PIGL: variants seen among roughly 807,000 people sequenced by gnomAD.
The protein encoded by PIGL is N-acetylglucosaminyl-phosphatidylinositol de-N-acetylase.
PIGL carries 22 observed loss-of-function variants against 31.1 expected under a neutral mutation model. The observed-to-expected ratio is 0.71, with a 90% CI of 0.51 to 1.01. The LOEUF (loss-of-function observed/expected upper bound fraction) is 1.01, where lower values mean the gene tolerates loss of function less well. Ranked by LOEUF, PIGL falls within the 50% of genes least tolerant of loss-of-function variation. The pLI is 0.00. For missense variants in PIGL, 302 were observed against 315.9 expected, an observed-to-expected ratio of 0.96 and a Z score of 0.33; for synonymous variants, 131 against 117.4, an observed-to-expected ratio of 1.12 and a Z score of -0.75.
intron 2 of PIGL, among the ~76,000 whole-genome samples, chr17:16,271,711 T>C (rs35565381): frequency 0.41 from 62,800 of 151,576 alleles, 13,816 homozygotes; most frequent in East Asian, 0.76. Flanking sequence ...TTTGTATTTT[T>C]AGTAGAGATG....
chr17:16,254,853 C>T (rs1247692856), intron 2 of PIGL, among the ~76,000 whole-genome samples: 4 of 152,318 alleles, frequency 2.6e-5, no homozygotes, highest in East Asian at 1.9e-4. Context: ...CCACCCGCCT[C>T]GGCCTCTCAA....
intron 2 of PIGL, among the ~76,000 whole-genome samples, chr17:16,239,567 T>G (rs1336424534): frequency 6.6e-6 from 1 of 152,134 alleles, no homozygotes; most frequent in Non-Finnish European, 1.5e-5. Flanking sequence ...TGGCAAAACA[T>G]ATATCTCTTT....
chr17:16,252,066 C>T (rs1382336793), intron 2 of PIGL, among the ~76,000 whole-genome samples: 9 of 123,822 alleles, frequency 7.3e-5, no homozygotes, highest in Admixed American at 1.5e-4. Context: ...TTTTTTTTTC[C>T]TTTTTTTTTT....
chr17:16,278,119 G>A (rs2092903077), intron 2 of PIGL, among the ~76,000 whole-genome samples: 1 of 150,956 alleles, frequency 6.6e-6, no homozygotes, highest in African/African-American at 2.4e-5. Flanking sequence ...GCAGTGACGT[G>A]ATCCCAGCTC....
intron 2 of PIGL, among the ~76,000 whole-genome samples, chr17:16,276,169 C>G (rs1473040132): frequency 6.6e-6 from 1 of 152,200 alleles, no homozygotes; most frequent in African/African-American, 2.4e-5. Context: ...ACAACAGCAA[C>G]ACATTCCACA....
Position 16,230,442 on chromosome 17 carries a change from C to T in PIGL, c.236-3529C>T, listed in dbSNP as rs1026698355. 2.6e-5 allele frequency among the ~76,000 whole-genome samples: 4 copies of T among 151,996 alleles called. 1 individual carries two copies. Among genetic ancestry groups the T allele is most frequent in the Admixed American group, 1.3e-4 (2 of 15,226 alleles). Reference sequence around the variant, plus strand: ...AACTATTTGATGTGGTTTCTGTTACCCCGAATAGATCTTGACATAGCATCT... The same window carrying T: ...AACTATTTGATGTGGTTTCTGTTACTCCGAATAGATCTTGACATAGCATCT... On this transcript the variant is annotated intron_variant, in intron 1 of 6. Coordinates refer to ENST00000225609, the MANE Select transcript of PIGL (RefSeq NM_004278.4).
At chr17:16,311,863 A>G (rs1406664257) in intron 3 of PIGL, among the ~76,000 whole-genome samples, 1 of 152,180 alleles carries the variant, frequency 6.6e-6, no homozygotes. Flanking sequence ...ACCTCCTTCT[A>G]CACAGACACA....
At chr17:16,291,844 A>T (rs552264004) in intron 2 of PIGL, among the ~76,000 whole-genome samples, 172 of 151,724 alleles carry the variant, frequency 1.1e-3, no homozygotes, top group Non-Finnish European at 2.2e-3. Context: ...CAGCCTGGGC[A>T]AGAGAGTGAG....
chr17:16,217,632 T>TCA, intron 1 of PIGL, 171 bp downstream of exon 1: 2 of 540,086 alleles, frequency 3.7e-6, no homozygotes, highest in Admixed American at 3.5e-5. Flanking sequence ...CCGGCTTACC[T>TCA]GGTGGGTTGG....
At chr17:16,282,677 C>A (rs1269056283) in intron 2 of PIGL, among the ~76,000 whole-genome samples, 1 of 152,160 alleles carries the variant, frequency 6.6e-6, no homozygotes, top group African/African-American at 2.4e-5. Flanking sequence ...TCCTCAAACT[C>A]TTTTTAAGAA....
At chr17:16,313,645 A>AG (rs774178727) in intron 4 of PIGL, 31 bp downstream of exon 4, 1 of 1,547,628 alleles carries the variant, frequency 6.5e-7, no homozygotes. Flanking sequence ...GATGTGGGGG[A>AG]GGGTTTGTTT....
intron 2 of PIGL, among the ~76,000 whole-genome samples, chr17:16,257,607 A>G (rs1230622157): frequency 6.6e-6 from 1 of 151,856 alleles, no homozygotes; most frequent in Admixed American, 6.6e-5. Context: ...GCAGGAATGT[A>G]TCATATATAT....
intron 2 of PIGL, among the ~76,000 whole-genome samples, chr17:16,263,535 T>C (rs947302225): frequency 9.9e-5 from 15 of 152,070 alleles, no homozygotes; most frequent in Admixed American, 7.9e-4. Flanking sequence ...TTTTGTTTTT[T>C]GTTTTCTTAA....
chr17:16,258,087 GAGAGAGAGAGAGAGAA>G (rs1164485349), intron 2 of PIGL, among the ~76,000 whole-genome samples: 6 of 131,642 alleles, frequency 4.6e-5, no homozygotes, highest in Non-Finnish European at 8.0e-5. Context: ...GAGAGAGAGA[GAGAGAGAGAGAGAGAA>G]AGAGAGAGAG....
At chr17:16,276,475 A>G (rs1281585448) in intron 2 of PIGL, among the ~76,000 whole-genome samples, 2 of 152,218 alleles carry the variant, frequency 1.3e-5, no homozygotes, top group Admixed American at 6.5e-5. Flanking sequence ...GCTCACACCT[A>G]TAATCCCAGC....
intron 2 of PIGL, among the ~76,000 whole-genome samples, chr17:16,260,817 C>A (rs114620748): frequency 2.7e-4 from 41 of 151,972 alleles, no homozygotes; most frequent in Non-Finnish European, 5.3e-4. Flanking sequence ...TGCCAAATAG[C>A]GGCTAAAAGA....
rs1387899162 is a variant in PIGL at position 16,217,335 on chromosome 17, CTGGGAGCCGAAAGCCGGACCCTGCTGG to C, written c.111_137del (p.Gly38_Val46del). 1 of 1,614,164 alleles carries C rather than the reference CTGGGAGCCGAAAGCCGGACCCTGCTGG, an allele frequency of 6.2e-7. No individual in the cohort carries two copies. Among genetic ancestry groups the C allele is most frequent in the Non-Finnish European group, 8.5e-7 (1 of 1,180,044 alleles). On this transcript the variant is annotated inframe_deletion, in exon 1 of 7. Coordinates refer to ENST00000225609, the MANE Select transcript of PIGL (RefSeq NM_004278.4). ...GAAGAGTCGGGAGCAGGGAGGACGG[CTGGGAGCCGAAAGCCGGACCCTGCTGG>C]TCATAGCGCACCCTGACGATGAAGC...
intron 2 of PIGL, among the ~76,000 whole-genome samples, chr17:16,277,750 G>A (rs116127876): frequency 0.01 from 1,538 of 152,238 alleles, 28 homozygotes; most frequent in African/African-American, 0.035. Context: ...ACAATTGTCC[G>A]TGGGTGACAA....
In PIGL at chr17:16,312,076, CGGG is replaced by C. The variant is rs2093053599; in HGVS notation, c.427-1470_427-1468del. ...CAACCTCCCGGACGGGGTGGCTGGC[CGGG>C]TGGGGGCTGCCCCCCCACCTCCCTC... is the stretch of plus-strand genomic sequence containing the variant. On this transcript the variant is annotated intron_variant, in intron 3 of 6. Transcript: ENST00000225609. 6.2e-5 allele frequency among the ~76,000 whole-genome samples: 9 copies of C among 144,202 alleles called. 1 individual carries two copies. In the South Asian group the frequency reaches 2.0e-3, roughly 31 times the overall value. The allele number at this position is 144,202 out of a possible 152,430, so 94.6% of individuals were successfully genotyped here. A position where few individuals can be genotyped will look rare whatever the true frequency, so the allele number is the denominator to read the frequency against.
Sources: gnomAD v4.1 joint callset for allele counts (sites outside exome capture counted in the v4.1 genomes callset) on GRCh38, gnomAD v4.1.1 for gene constraint, MANE v1.5 for transcripts, NCBI Gene and HGNC (gene_info 2026-07-23, HGNC 2026-07-21) for gene names.